The following USP34 variants were observed in gnomAD, a reference collection of about 807,000 sequenced individuals.
USP34 encodes ubiquitin carboxyl-terminal hydrolase 34.
In USP34, 70 loss-of-function variants were observed where a neutral mutation model predicts 460.3. The observed-to-expected ratio is 0.15, with a 90% CI of 0.13 to 0.19. USP34 has a LOEUF of 0.19. USP34 is among the 10% of genes least tolerant of loss of function. The pLI is 1.00. For synonymous variants in USP34, 1,647 were observed against 1,405.3 expected, an observed-to-expected ratio of 1.17 and a Z score of -3.85; for missense variants, 3,985 against 4,236.2, an observed-to-expected ratio of 0.94 and a Z score of 1.65.
chr2:61,421,251 C>G (rs561698455), intron 1 of USP34, among the ~76,000 whole-genome samples: 2 of 152,336 alleles, frequency 1.3e-5, no homozygotes, highest in African/African-American at 4.8e-5. Flanking sequence ...AGCAGCAGCA[C>G]TGATTCCAGC....
chr2:61,190,862 T>G, intron 76 of USP34: 1 of 534,898 alleles, frequency 1.9e-6, no homozygotes, highest in Non-Finnish European at 3.1e-6. Context: ...TGTTACTAAT[T>G]TAGATTAAGG....
At chr2:61,346,526 T>TTAA (rs1691772701) in intron 15 of USP34, among the ~76,000 whole-genome samples, 1 of 65,698 alleles carries the variant, frequency 1.5e-5, no homozygotes, top group Non-Finnish European at 2.6e-5. Flanking sequence ...ACCCTATCTC[T>TTAA]TAAAAAAAAA....
At chr2:61,283,569 G>GT (rs1334780692) in intron 35 of USP34, 120 bp from the exon 36 acceptor site, 25 of 966,004 alleles carry the variant, frequency 2.6e-5, no homozygotes. Context: ...AAAGCAGTGG[G>GT]TGTGTGAGTG....
intron 58 of USP34, among the ~76,000 whole-genome samples, chr2:61,231,587 T>C (rs1687907595): frequency 6.6e-6 from 1 of 151,976 alleles, no homozygotes; most frequent in African/African-American, 2.4e-5. Flanking sequence ...TGGTGGTGTG[T>C]GCTTGTAGTT....
intron 10 of USP34, among the ~76,000 whole-genome samples, chr2:61,361,773 G>C (rs1479507665): frequency 1.2e-4 from 18 of 151,984 alleles, no homozygotes; most frequent in Non-Finnish European, 1.5e-5. Flanking sequence ...TTTTTTGACA[G>C]GAACTATTAG....
rs183459861 is a variant in USP34, at chr2:61,200,885, G to A, written c.9508+2255C>T. On this transcript the variant is annotated intron_variant, in intron 75 of 79. Coordinates refer to ENST00000398571, the MANE Select transcript of USP34 (RefSeq NM_014709.4). ...GACACAACTCTTTCCATTTATAGGAGGCATTAATGATAGGATTGTTTTTAG... is the reference window on the plus strand; with the variant it reads ...GACACAACTCTTTCCATTTATAGGAAGCATTAATGATAGGATTGTTTTTAG... The A allele has an allele frequency of 2.1e-3, 316 of 152,274 alleles. 1 individual carries two copies. Among genetic ancestry groups the A allele is most frequent in the Non-Finnish European group, 4.0e-3 (269 of 67,994 alleles). The allele number at this position is 152,274 out of a possible 1,614,324, so 9.4% of individuals were successfully genotyped here. A position where few individuals can be genotyped will look rare whatever the true frequency, so the allele number is the denominator to read the frequency against.
intron 10 of USP34, among the ~76,000 whole-genome samples, chr2:61,361,684 C>T (rs1692280233): frequency 6.6e-6 from 1 of 152,116 alleles, no homozygotes. Flanking sequence ...CTTCAAAGTA[C>T]ATTTAAGACC....
chr2:61,462,374 C>T (rs532380769), intron 1 of USP34, among the ~76,000 whole-genome samples: 2 of 151,776 alleles, frequency 1.3e-5, no homozygotes, highest in African/African-American at 2.4e-5. Flanking sequence ...AACAGTGAAG[C>T]CCCATTCCTA....
chr2:61,317,102 G>A (rs1690773291), intron 23 of USP34, among the ~76,000 whole-genome samples: 2 of 152,194 alleles, frequency 1.3e-5, no homozygotes, highest in South Asian at 2.1e-4. Flanking sequence ...GAATGTCTAG[G>A]AGACTCAAAG....
At chr2:61,461,238 A>T (rs571624111) in intron 1 of USP34, among the ~76,000 whole-genome samples, 2 of 151,792 alleles carry the variant, frequency 1.3e-5, no homozygotes, top group African/African-American at 4.8e-5. Flanking sequence ...TAAAAATGCA[A>T]AAGAATTAGC....
At chr2:61,467,273 A>G (rs1195683772) in intron 1 of USP34, among the ~76,000 whole-genome samples, 2 of 152,290 alleles carry the variant, frequency 1.3e-5, no homozygotes, top group Admixed American at 1.3e-4. Context: ...ACTGCACTCC[A>G]GCCTGGGTGA....
At chr2:61,381,263 AAAACACAC>A (rs1482088003) in intron 6 of USP34, among the ~76,000 whole-genome samples, 2 of 61,436 alleles carry the variant, frequency 3.3e-5, no homozygotes, top group East Asian at 8.3e-4. Context: ...AAAAAAAAAT[AAAACACAC>A]ACACACACAC....
At chr2:61,417,566 G>C (rs933223506) in intron 2 of USP34, among the ~76,000 whole-genome samples, 2 of 151,878 alleles carry the variant, frequency 1.3e-5, no homozygotes, top group Admixed American at 6.6e-5. Flanking sequence ...TCACACCATG[G>C]ATATACAAAA....
At chr2:61,376,035 T>A (rs139872784) in intron 8 of USP34, among the ~76,000 whole-genome samples, 1 of 152,058 alleles carries the variant, frequency 6.6e-6, no homozygotes, top group East Asian at 1.9e-4. Context: ...AGACAGAAAG[T>A]AGATTAGTGA....
Position 61,383,349 on chromosome 2 carries a change from C to T in USP34, c.754-13G>A. The T allele has an allele frequency of 6.4e-7, 1 of 1,565,052 alleles. No homozygotes were observed. The highest frequency in any genetic ancestry group is 8.7e-7 in the Non-Finnish European group (1 of 1,149,848). On this transcript the variant is annotated splice_polypyrimidine_tract_variant and intron_variant, in intron 5 of 79. Coordinates refer to ENST00000398571, the MANE Select transcript of USP34 (RefSeq NM_014709.4). ...GCCATATTCTAATCTATATAAGAAA[C>T]ATAAAAACAACATTAATGCCTAATA...
intron 67 of USP34, among the ~76,000 whole-genome samples, chr2:61,216,334 C>T (rs984947244): frequency 6.6e-6 from 1 of 152,198 alleles, no homozygotes; most frequent in African/African-American, 2.4e-5. Flanking sequence ...GGTGCGGTGG[C>T]TCATGCCTGT....
intron 75 of USP34, among the ~76,000 whole-genome samples, chr2:61,195,246 A>G (rs1686764061): frequency 6.6e-6 from 1 of 151,850 alleles, no homozygotes; most frequent in Non-Finnish European, 1.5e-5. Context: ...GGGTCTTGCC[A>G]TGTTGCCCAG....
intron 44 of USP34, among the ~76,000 whole-genome samples, chr2:61,258,475 G>A (rs1186867362): frequency 1.3e-5 from 2 of 152,184 alleles, no homozygotes; most frequent in Non-Finnish European, 2.9e-5. Flanking sequence ...TGGAATAGAT[G>A]GTCTCTTAGA....
Position 61,369,983 on chromosome 2 carries a change from T to A in USP34, c.1251+338A>T, listed in dbSNP as rs1411319978. Reference sequence around the variant, plus strand: ...TGAATCATGTGGATATATGCCTATTTAAAAAAAAAAAAAAAAAAACAGTAC... The same window carrying A: ...TGAATCATGTGGATATATGCCTATTAAAAAAAAAAAAAAAAAAAACAGTAC... On this transcript the variant is annotated intron_variant, in intron 10 of 79. Transcript: ENST00000398571. 3.7e-4 allele frequency among the ~76,000 whole-genome samples: 47 copies of A among 127,720 alleles called. 1 individual carries two copies. Among genetic ancestry groups the A allele is most frequent in the South Asian group, 1.0e-3 (4 of 4,000 alleles). The allele number at this position is 127,720 out of a possible 152,430, so 83.8% of individuals were successfully genotyped here. A position where few individuals can be genotyped will look rare whatever the true frequency, so the allele number is the denominator to read the frequency against.
Sources: allele counts gnomAD v4.1 joint callset (sites outside exome capture counted in the v4.1 genomes callset), GRCh38; gene constraint gnomAD v4.1.1; transcripts MANE v1.5; gene names NCBI Gene and HGNC (gene_info 2026-07-23, HGNC 2026-07-21).